SYNPR: variants seen among roughly 807,000 people sequenced by gnomAD.
SYNPR encodes synaptoporin.
In SYNPR, 23 loss-of-function variants were observed where a neutral mutation model predicts 32.9. The ratio of observed to expected loss-of-function variants is 0.70; its 90% CI spans 0.50 to 0.99. The LOEUF (loss-of-function observed/expected upper bound fraction) is 0.99. Among genes scored for constraint, SYNPR ranks in the 50% least tolerant of loss-of-function variants. The pLI is 0.00. For synonymous variants in SYNPR, 146 were observed against 135.9 expected (o/e 1.07, Z -0.52); for missense variants, 318 against 349.3 (o/e 0.91, Z 0.71).
chr3:63,270,289 T>C (rs1245945678), intron 3 of SYNPR, among the ~76,000 whole-genome samples: 8 of 152,152 alleles, frequency 5.3e-5, no homozygotes, highest in Non-Finnish European at 1.2e-4. Flanking sequence ...TGGCTGCTCT[T>C]GCTCCCCAGC....
At chr3:63,524,657 G>T (rs544225644) in intron 3 of SYNPR, among the ~76,000 whole-genome samples, 10 of 151,976 alleles carry the variant, frequency 6.6e-5, no homozygotes, top group Non-Finnish European at 1.5e-4. Flanking sequence ...AACACTGAGG[G>T]GTGTCATCCT....
intron 4 of SYNPR, 56 bp from the exon 5 acceptor site, chr3:63,609,069 T>G: frequency 6.6e-7 from 1 of 1,526,268 alleles, no homozygotes; most frequent in Non-Finnish European, 8.8e-7. Context: ...CAAATCAACT[T>G]GTTTCTAGAA....
At position 63,246,762 on chromosome 3, in the gene SYNPR, G is replaced by A. The variant is rs1003753392; in HGVS notation, n.67-5737G>A. ...CTTGAAATGCTGTACGGGGCCTCAG[G>A]ATGTCACAGTAGTTGAGAACTTGCT... On this transcript the variant is annotated intron_variant and non_coding_transcript_variant, in intron 1 of 4. Transcript: ENST00000478456. Among the ~76,000 whole-genome samples, 10 of 152,140 alleles carry A rather than the reference G, an allele frequency of 6.6e-5. No individual in the cohort carries two copies. The East Asian group carries it at 1.5e-3, about 24-fold the overall frequency.
At chr3:63,355,923 C>G (rs1575608493) in intron 2 of SYNPR, among the ~76,000 whole-genome samples, 1 of 152,196 alleles carries the variant, frequency 6.6e-6, no homozygotes, top group East Asian at 1.9e-4. Flanking sequence ...TTATGAGTGT[C>G]TTGGAAACTC....
At chr3:63,474,861 C>T (rs1283972693) in intron 2 of SYNPR, among the ~76,000 whole-genome samples, 1 of 152,128 alleles carries the variant, frequency 6.6e-6, no homozygotes, top group African/African-American at 2.4e-5. Flanking sequence ...GATGTCCCCT[C>T]CCTGACTTCA....
intron 3 of SYNPR, among the ~76,000 whole-genome samples, chr3:63,534,150 T>A (rs1183393729): frequency 6.6e-6 from 1 of 152,188 alleles, no homozygotes; most frequent in Non-Finnish European, 1.5e-5. Flanking sequence ...ATGTCAGGGC[T>A]TTATTACCTT....
chr3:63,311,468 A>G (rs1996916), intron 2 of SYNPR, among the ~76,000 whole-genome samples: 69,902 of 151,912 alleles, frequency 0.46, 16,337 homozygotes, highest in Middle Eastern at 0.53. Context: ...GATCAGCAGC[A>G]GCATTCACCC....
intron 3 of SYNPR, among the ~76,000 whole-genome samples, chr3:63,268,695 G>T (rs2086510908): frequency 9.4e-6 from 1 of 106,086 alleles, no homozygotes; most frequent in African/African-American, 4.2e-5. Context: ...GGTTGATCTT[G>T]CTGTCTCAGG....
intron 2 of SYNPR, among the ~76,000 whole-genome samples, chr3:63,407,507 T>C (rs887339784): frequency 2.0e-5 from 3 of 152,230 alleles, no homozygotes; most frequent in Admixed American, 2.0e-4. Flanking sequence ...GATGATGCTA[T>C]TGTAAGATAT....
At chr3:63,442,197 AAG>A (rs201538931) in intron 2 of SYNPR, among the ~76,000 whole-genome samples, 5 of 137,460 alleles carry the variant, frequency 3.6e-5, no homozygotes, top group Non-Finnish European at 7.7e-5. Flanking sequence ...GCACGCATGA[AAG>A]AGAGAGAGAG....
At chr3:63,304,936 T>C (rs1266458086) in intron 2 of SYNPR, among the ~76,000 whole-genome samples, 2 of 152,008 alleles carry the variant, frequency 1.3e-5, no homozygotes, top group Non-Finnish European at 2.9e-5. Context: ...GCTTGCCATA[T>C]TACTTATAGA....
chr3:63,610,105 T>C lies in SYNPR; in HGVS notation c.600+789T>C, dbSNP rs75102497. 2.6e-3 allele frequency among the ~76,000 whole-genome samples: 394 copies of C among 152,302 alleles called. 16 individuals are homozygous for C. The East Asian group carries it at 0.07, about 27-fold the overall frequency. On this transcript the variant is annotated intron_variant, in intron 5 of 5. Coordinates refer to ENST00000478300, the MANE Select transcript of SYNPR (RefSeq NM_001130003.2). Reference sequence around the variant, plus strand: ...TAAATTCAGAATGTAAAAAAGTACTTATAATAGCTATGGTAATTTTTGAAT... The same window carrying C: ...TAAATTCAGAATGTAAAAAAGTACTCATAATAGCTATGGTAATTTTTGAAT...
At chr3:63,347,875 TTG>T (rs10597535) in intron 2 of SYNPR, among the ~76,000 whole-genome samples, 39,995 of 143,848 alleles carry the variant, frequency 0.28, 5,925 homozygotes, top group East Asian at 0.44. Context: ...TAGTATTCCA[TTG>T]TGTGTGTGTG....
chr3:63,471,282 C>T (rs1186355322), intron 2 of SYNPR, among the ~76,000 whole-genome samples: 1 of 152,166 alleles, frequency 6.6e-6, no homozygotes, highest in Non-Finnish European at 1.5e-5. Context: ...TGGAGGAAAG[C>T]CTTTTAACAA....
chr3:63,600,676 T>C (rs1436467703), intron 4 of SYNPR, among the ~76,000 whole-genome samples: 2 of 152,186 alleles, frequency 1.3e-5, no homozygotes, highest in East Asian at 1.9e-4. Flanking sequence ...GATGGTTTTA[T>C]AAGCAACTGG....
At chr3:63,232,353 C>T (rs1247632544) in intron 1 of SYNPR, among the ~76,000 whole-genome samples, 1 of 151,824 alleles carries the variant, frequency 6.6e-6, no homozygotes, top group Admixed American at 6.6e-5. Flanking sequence ...AGGTATGCAC[C>T]ACCAGGCCCG....
rs150408025 is a variant in SYNPR at position 63,470,743 on chromosome 3, A to G, written c.85-10089A>G. ...CCTATAAGACTCAGGAAAGCTGAAGATTCACTTCCTAGTCTCCTATGCAGT... is the reference window on the plus strand; with the variant it reads ...CCTATAAGACTCAGGAAAGCTGAAGGTTCACTTCCTAGTCTCCTATGCAGT... On this transcript the variant is annotated intron_variant, in intron 2 of 5. Transcript: ENST00000478300. Among the ~76,000 whole-genome samples, 32 of 152,262 alleles carry G rather than the reference A, an allele frequency of 2.1e-4. No individual in the cohort carries two copies. In the East Asian group the frequency reaches 5.4e-3, roughly 26 times the overall value.
At position 63,265,161 on chromosome 3, in the gene SYNPR, A is replaced by G. The variant is rs79140849; in HGVS notation, n.155-2156A>G. ...TTTCTTCCAAGAAAGAAGATATATG[A>G]GTCTTTCAAAACTATAGAAATAATT... On this transcript the variant is annotated intron_variant and non_coding_transcript_variant, in intron 2 of 4. Transcript: ENST00000478456. 3.8e-3 allele frequency among the ~76,000 whole-genome samples: 570 copies of G among 151,894 alleles called. 2 individuals are homozygous for G. Among genetic ancestry groups the G allele is most frequent in the African/African-American group, 0.013 (554 of 41,366 alleles).
intron 4 of SYNPR, among the ~76,000 whole-genome samples, chr3:63,603,776 G>A (rs1056947082): frequency 3.9e-5 from 6 of 152,136 alleles, no homozygotes; most frequent in African/African-American, 1.4e-4. Context: ...TTACATCTAT[G>A]TTCATCAAGG....
Sources: allele counts gnomAD v4.1 joint callset (sites outside exome capture counted in the v4.1 genomes callset), GRCh38; gene constraint gnomAD v4.1.1; transcripts MANE v1.5; gene names NCBI Gene and HGNC (gene_info 2026-07-23, HGNC 2026-07-21).